KIF1A: variants seen among roughly 807,000 people sequenced by gnomAD.
KIF1A encodes kinesin-like protein KIF1A.
In KIF1A, 46 loss-of-function variants were observed where a neutral mutation model predicts 227.3. That is an observed-to-expected ratio of 0.20 (90% confidence interval 0.16 to 0.26). The LOEUF is 0.26. Ranked by LOEUF, KIF1A falls within the 10% of genes least tolerant of loss-of-function variation. The pLI is 1.00. For missense variants in KIF1A, 1,683 were observed against 2,485.9 expected (o/e 0.68, Z 6.87); for synonymous variants, 1,022 against 1,012.8 (o/e 1.01, Z -0.17).
At chr2:240,741,657 A>G (rs899545377) in intron 34 of KIF1A, among the ~76,000 whole-genome samples, 33 of 152,230 alleles carry the variant, frequency 2.2e-4, no homozygotes, top group Non-Finnish European at 4.3e-4. Flanking sequence ...CATGAGGAGG[A>G]CAGTGGTCAA....
intron 31 of KIF1A, 85 bp from the exon 32 acceptor site, chr2:240,745,602 G>T: frequency 1.4e-6 from 2 of 1,470,696 alleles, no homozygotes; most frequent in Non-Finnish European, 1.9e-6. Flanking sequence ...ACACGAGGGC[G>T]CTGGGGCGTT....
chr2:240,811,290 G>A (rs907534196), intron 1 of KIF1A, among the ~76,000 whole-genome samples: 7 of 152,096 alleles, frequency 4.6e-5, no homozygotes, highest in East Asian at 1.9e-4. Context: ...ACTTGAACCC[G>A]GGAAGCAGAG....
intron 23 of KIF1A, among the ~76,000 whole-genome samples, chr2:240,761,889 G>C (rs1485003848): frequency 6.6e-6 from 1 of 152,150 alleles, no homozygotes; most frequent in African/African-American, 2.4e-5. Flanking sequence ...GGAGGCAGGA[G>C]GGCAGGCCAG....
intron 6 of KIF1A, 44 bp from the exon 7 acceptor site, chr2:240,785,144 C>G (rs1413466894): frequency 6.6e-7 from 1 of 1,526,038 alleles, no homozygotes. Flanking sequence ...CGTCCTGTGG[C>G]CGGGTGCGAG....
intron 34 of KIF1A, among the ~76,000 whole-genome samples, chr2:240,741,875 C>T (rs1482605153): frequency 6.6e-6 from 1 of 152,246 alleles, no homozygotes; most frequent in Non-Finnish European, 1.5e-5. Context: ...CCACTCGTGT[C>T]CAGCTCCTGA....
intron 1 of KIF1A, among the ~76,000 whole-genome samples, chr2:240,803,496 G>A (rs1403463684): frequency 2.6e-5 from 4 of 152,224 alleles, no homozygotes; most frequent in East Asian, 1.9e-4. Context: ...GCTGCTGAGC[G>A]TTCTCTCCTG....
rs913726558 is a variant in KIF1A, at chr2:240,763,088, G to A, written c.1953C>T (p.Leu651=). The change falls in exon 22 of 49, where the codon CTC becomes CTT. Residue 651 remains leucine, a synonymous_variant. Coordinates refer to ENST00000498729, the MANE Select transcript of KIF1A (RefSeq NM_001244008.2). ...GGCGGTACTGGTCCTCCAGTTCCTG[G>A]AGCCTGCAAGGGGGCATTGGGGTGA... ...IDMKQEMEQR[L]QELEDQYRRE... 4.0e-5 allele frequency: 64 copies of A among 1,581,212 alleles called. No homozygotes were observed. The highest frequency in any genetic ancestry group is 5.1e-5 in the Non-Finnish European group (59 of 1,165,132).
Position 240,745,818 on chromosome 2 carries a change from G to A in KIF1A, c.3294C>T (p.Gly1098=). Residue 1098 remains glycine, a synonymous_variant, in exon 31 of 49, where the codon GGC becomes GGT. Transcript: ENST00000498729. ...CTGTCACACGGAAGGTGAAGGTGTT[G>A]CCCAGGCGGAGGTGGTCCAGGGCAG... The part of the protein sequence containing the change: ...LDAALDHLRL[G]NTFTFRVTVL... The A allele has an allele frequency of 6.2e-7, 1 of 1,612,950 alleles. No homozygotes were observed. Among genetic ancestry groups the A allele is most frequent in the Non-Finnish European group, 8.5e-7 (1 of 1,179,676 alleles).
At position 240,789,851 on chromosome 2, in the gene KIF1A, C is replaced by A. The variant is rs1346983847; in HGVS notation, c.107-539G>T. On this transcript the variant is annotated intron_variant, in intron 2 of 48. Coordinates refer to ENST00000498729, the MANE Select transcript of KIF1A (RefSeq NM_001244008.2). This position sits in a 1 kb window ranked among gnomAD's most constrained non-coding sequence, Gnocchi z 4.8. ...GTCTTCTGCCAGAGTCCCTCCTCCC[C>A]CTCCCTCCTCCACCCAACTTCAAGC... is the stretch of plus-strand genomic sequence containing the variant. Among the ~76,000 whole-genome samples the A allele has an allele frequency of 2.0e-5, 3 of 152,180 alleles. No individual in the cohort carries two copies.
intron 37 of KIF1A, 152 bp from the exon 38 acceptor site, chr2:240,737,320 C>T (rs1479866947): frequency 4.8e-6 from 3 of 619,700 alleles, no homozygotes; most frequent in South Asian, 1.8e-5. Flanking sequence ...ACAGGGAGGC[C>T]CTACAGGGTC....
At chr2:240,751,201 G>A (rs1424347857) in intron 27 of KIF1A, among the ~76,000 whole-genome samples, 1 of 152,172 alleles carries the variant, frequency 6.6e-6, no homozygotes, top group Non-Finnish European at 1.5e-5. Flanking sequence ...GAGACCACGA[G>A]TACCTACGGT....
chr2:240,724,044 G>A lies in KIF1A; in HGVS notation c.4257-8C>T. ...ACACCAGTCACACGGTTACTGTGGG[G>A]AGTAGAAGGAGTGACATGCAGTCAC... On this transcript the variant is annotated splice_polypyrimidine_tract_variant and splice_region_variant and intron_variant, in intron 40 of 48. Coordinates refer to ENST00000498729, the MANE Select transcript of KIF1A (RefSeq NM_001244008.2). The A allele has an allele frequency of 6.2e-7, 1 of 1,612,142 alleles. No individual in the cohort carries two copies.
chr2:240,741,058 C>A (rs1001079456), intron 35 of KIF1A, among the ~76,000 whole-genome samples: 20 of 152,104 alleles, frequency 1.3e-4, no homozygotes, highest in Non-Finnish European at 2.4e-4. Flanking sequence ...TCCAGCACCT[C>A]CCTGCCCCTC....
At chr2:240,720,524 C>T (rs2045214084) in intron 45 of KIF1A, 1 of 172,328 alleles carries the variant, frequency 5.8e-6, no homozygotes, top group Non-Finnish European at 1.3e-5. Flanking sequence ...CACACGAGGT[C>T]TCTTCCAAAT....
chr2:240,720,937 C>T lies in KIF1A; in HGVS notation c.4845G>A (p.Gly1615=), dbSNP rs1415312951. The stretch of plus-strand genomic sequence containing the variant: ...ACCTCAGGTCAGTGGCACCGTACCG[C>T]CCTTCAACCAGAGAGGGGCAAGTGG... ...PSSTCPSLVE[G]RYGATDLRTP... Residue 1615 remains glycine, a synonymous_variant, in exon 45 of 49, where the codon GGG becomes GGA. Coordinates refer to ENST00000498729, the MANE Select transcript of KIF1A (RefSeq NM_001244008.2). 3.1e-6 allele frequency: 5 copies of T among 1,587,852 alleles called. No homozygotes were observed. Among genetic ancestry groups the T allele is most frequent in the African/African-American group, 2.7e-5 (2 of 74,586 alleles).
chr2:240,786,834 G>GCCACCATCAGGACC (rs1553638780), intron 5 of KIF1A, among the ~76,000 whole-genome samples: 22 of 148,632 alleles, frequency 1.5e-4, no homozygotes, highest in South Asian at 4.1e-4. Flanking sequence ...GAGGGTGGGG[G>GCCACCATCAGGACC]CTGCCTGCTG....
At chr2:240,812,936 G>A (rs79846375) in intron 1 of KIF1A, among the ~76,000 whole-genome samples, 31 of 70,298 alleles carry the variant, frequency 4.4e-4, no homozygotes, top group South Asian at 2.1e-3. Context: ...CCTTCACCTC[G>A]GGGATCCGCC....
rs1490274711 is a variant in KIF1A at position 240,773,273 on chromosome 2, G to A, written c.1038-17C>T. 5 of 1,613,548 alleles carry A rather than the reference G, an allele frequency of 3.1e-6. No individual in the cohort carries two copies. The Admixed American group carries it at 8.3e-5, about 27-fold the overall frequency. ...TCAGCATACCTGGGTGGCAGAGGGGGCTGTGGGCTGTGCTCGGGACAGGTC... is the reference window on the plus strand; with the variant it reads ...TCAGCATACCTGGGTGGCAGAGGGGACTGTGGGCTGTGCTCGGGACAGGTC... On this transcript the variant is annotated splice_polypyrimidine_tract_variant and intron_variant, in intron 12 of 48. Transcript: ENST00000498729.
chr2:240,770,954 C>T lies in KIF1A; in HGVS notation c.1341+17G>A, dbSNP rs781409239. ...TCCCAGAGTCTGACACCCTGAAGCC[C>T]CAGGTGGTGCCCTCACCTTCAGTCT... is the stretch of plus-strand genomic sequence containing the variant. On this transcript the variant is annotated intron_variant, in intron 15 of 48. Coordinates refer to ENST00000498729, the MANE Select transcript of KIF1A (RefSeq NM_001244008.2). 6.2e-6 allele frequency: 10 copies of T among 1,608,190 alleles called. No homozygotes were observed. The highest frequency in any genetic ancestry group is 4.4e-4 in the Middle Eastern group (2 of 4,578).
Sources: allele counts gnomAD v4.1 joint callset (sites outside exome capture counted in the v4.1 genomes callset), GRCh38; gene constraint gnomAD v4.1.1; non-coding constraint Gnocchi (gnomAD v3.1); transcripts MANE v1.5; gene names NCBI Gene and HGNC (gene_info 2026-07-23, HGNC 2026-07-21).